RAB3C: variants seen among roughly 807,000 people sequenced by gnomAD.
RAB3C encodes RAB3C, member RAS oncogene family, also known as ras-related protein Rab-3C.
Under a neutral mutation model 26.4 loss-of-function variants are expected in RAB3C, and 17 were observed. That is an observed-to-expected ratio of 0.64 (90% CI 0.44 to 0.97). The LOEUF (loss-of-function observed/expected upper bound fraction) is 0.97. RAB3C is among the 50% of genes least tolerant of loss of function. The pLI is 0.00. For synonymous variants in RAB3C, 91 were observed against 95.9 expected, an observed-to-expected ratio of 0.95 and a Z score of 0.30; for missense variants, 242 against 281.9, an observed-to-expected ratio of 0.86 and a Z score of 1.01.
intron 2 of RAB3C, among the ~76,000 whole-genome samples, chr5:58,700,201 T>C (rs1748812965): frequency 1.3e-5 from 2 of 152,206 alleles, no homozygotes; most frequent in Non-Finnish European, 2.9e-5. Context: ...TAGTAAGTGC[T>C]CAGGAAATGT....
chr5:58,604,360 C>T (rs1746517563), intron 1 of RAB3C, among the ~76,000 whole-genome samples: 1 of 152,184 alleles, frequency 6.6e-6, no homozygotes, highest in Admixed American at 6.5e-5. Flanking sequence ...TAGGCGGGGC[C>T]TTAGACCTCC....
rs199736769 is a variant in RAB3C at position 58,686,812 on chromosome 5, T to C, written c.253-39190T>C. Among the ~76,000 whole-genome samples, 12 of 152,042 alleles carry C rather than the reference T, an allele frequency of 7.9e-5. No individual in the cohort carries two copies. The East Asian group carries it at 2.3e-3, about 29-fold the overall frequency. ...TTTAATTTTGAAATAAATTTATAGG[T>C]AACAGGGTATCCTCTTGGCCCATCC... On this transcript the variant is annotated intron_variant, in intron 2 of 4. Transcript: ENST00000282878.
At chr5:58,646,188 T>C (rs1054569065) in intron 2 of RAB3C, among the ~76,000 whole-genome samples, 6 of 152,160 alleles carry the variant, frequency 3.9e-5, no homozygotes, top group Admixed American at 6.5e-5. Flanking sequence ...AAGGCTGAGT[T>C]AGGGGCCCCC....
At chr5:58,608,729 A>G (rs1444008654) in intron 1 of RAB3C, among the ~76,000 whole-genome samples, 1 of 152,198 alleles carries the variant, frequency 6.6e-6, no homozygotes, top group Non-Finnish European at 1.5e-5. Flanking sequence ...CTATAAAGAC[A>G]CATGCACATG....
At chr5:58,661,560 T>A (rs1280273774) in intron 2 of RAB3C, among the ~76,000 whole-genome samples, 1 of 148,642 alleles carries the variant, frequency 6.7e-6, no homozygotes, top group Admixed American at 6.7e-5. Flanking sequence ...GCTGATTGAT[T>A]AGAGAAGTCC....
chr5:58,719,857 A>G (rs1740706004), intron 2 of RAB3C, among the ~76,000 whole-genome samples: 2 of 152,022 alleles, frequency 1.3e-5, no homozygotes, highest in African/African-American at 4.8e-5. Context: ...GTACACCAAA[A>G]TCTCAGAAAT....
At chr5:58,686,747 C>A (rs1008882996) in intron 2 of RAB3C, among the ~76,000 whole-genome samples, 1 of 151,796 alleles carries the variant, frequency 6.6e-6, no homozygotes, top group Admixed American at 6.6e-5. Context: ...CTCTCTTAAT[C>A]AAATGGAAGT....
intron 3 of RAB3C, among the ~76,000 whole-genome samples, chr5:58,799,603 A>G (rs941257459): frequency 1.3e-5 from 2 of 152,142 alleles, no homozygotes; most frequent in South Asian, 2.1e-4. Context: ...ACTGAAACAA[A>G]CAAGGAATTG....
At chr5:58,623,262 A>G (rs1446631259) in intron 2 of RAB3C, among the ~76,000 whole-genome samples, 1 of 152,240 alleles carries the variant, frequency 6.6e-6, no homozygotes, top group Non-Finnish European at 1.5e-5. Context: ...AAGGAGTCTA[A>G]TGGCATAAAT....
chr5:58,710,640 A>AAAT (rs966528865), intron 2 of RAB3C, among the ~76,000 whole-genome samples: 2 of 151,292 alleles, frequency 1.3e-5, no homozygotes, highest in Admixed American at 1.3e-4. Context: ...ATAAATAAAT[A>AAAT]AATAGAAATT....
chr5:58,739,212 C>T (rs1741221424), intron 3 of RAB3C, among the ~76,000 whole-genome samples: 1 of 152,186 alleles, frequency 6.6e-6, no homozygotes, highest in Non-Finnish European at 1.5e-5. Context: ...TGTTCAGTAC[C>T]TCATGATACA....
At chr5:58,743,164 A>G (rs528740414) in intron 3 of RAB3C, among the ~76,000 whole-genome samples, 21 of 152,350 alleles carry the variant, frequency 1.4e-4, no homozygotes, top group African/African-American at 5.1e-4. Flanking sequence ...CATCTTAAAA[A>G]TGAGAAAAGA....
intron 2 of RAB3C, among the ~76,000 whole-genome samples, chr5:58,688,616 C>T (rs940152568): frequency 2.2e-4 from 33 of 152,074 alleles, no homozygotes; most frequent in African/African-American, 8.0e-4. Context: ...TCTTCTCAGG[C>T]CATAGGTTCT....
chr5:58,590,920 G>A (rs1033285140), intron 1 of RAB3C, among the ~76,000 whole-genome samples: 1 of 152,044 alleles, frequency 6.6e-6, no homozygotes, highest in African/African-American at 2.4e-5. Context: ...TCTAAGTACT[G>A]CTTAAGCTGG....
rs79627232 is a variant in RAB3C, at chr5:58,803,655, G to A, written c.372-21383G>A. ...AGGTGGGTGATTGATTGTGCAGTCA[G>A]GTTGAAAAGGACCAATCCTTGACAG... On this transcript the variant is annotated intron_variant, in intron 3 of 4. Coordinates refer to ENST00000282878, the MANE Select transcript of RAB3C (RefSeq NM_138453.4). 2.6e-3 allele frequency among the ~76,000 whole-genome samples: 400 copies of A among 152,288 alleles called. 15 individuals are homozygous for A. In the East Asian group the frequency reaches 0.05, roughly 19 times the overall value.
intron 4 of RAB3C, among the ~76,000 whole-genome samples, chr5:58,838,451 C>A (rs959569024): frequency 2.0e-5 from 3 of 151,936 alleles, no homozygotes; most frequent in Admixed American, 6.6e-5. Context: ...TCTTCACCCA[C>A]TTGTCATTCA....
intron 1 of RAB3C, among the ~76,000 whole-genome samples, chr5:58,616,754 C>T (rs1004952154): frequency 3.9e-5 from 6 of 152,126 alleles, no homozygotes; most frequent in African/African-American, 1.4e-4. Flanking sequence ...GGTCACACAG[C>T]CAGTAAAGAG....
chr5:58,718,575 A>G (rs771452457), intron 2 of RAB3C, among the ~76,000 whole-genome samples: 3 of 152,054 alleles, frequency 2.0e-5, no homozygotes, highest in Non-Finnish European at 4.4e-5. Flanking sequence ...AGTGGATGCC[A>G]TTGTAAAATG....
At chr5:58,732,022 A>G (rs293010) in intron 3 of RAB3C, among the ~76,000 whole-genome samples, 84,683 of 151,956 alleles carry the variant, frequency 0.56, 23,905 homozygotes, top group East Asian at 0.62. Flanking sequence ...AGGTGAGTCC[A>G]GGAAGATCTG....
Sources: gnomAD v4.1 joint callset for allele counts (sites outside exome capture counted in the v4.1 genomes callset) on GRCh38, gnomAD v4.1.1 for gene constraint, MANE v1.5 for transcripts, NCBI Gene and HGNC (gene_info 2026-07-23, HGNC 2026-07-21) for gene names.